ARB2A: variants seen among roughly 807,000 people sequenced by gnomAD.
ARB2A encodes cotranscriptional regulator ARB2A.
chr5:94,012,999 A>G, the ARB2A span, among the ~76,000 whole-genome samples: 1 of 151,986 alleles, frequency 6.6e-6, no homozygotes, highest in African/African-American at 2.4e-5. Flanking sequence ...TCTCCTCATG[A>G]CTCCTCATAG....
the ARB2A span, among the ~76,000 whole-genome samples, chr5:93,688,881 C>A: frequency 6.6e-6 from 1 of 152,166 alleles, no homozygotes; most frequent in Non-Finnish European, 1.5e-5. Flanking sequence ...TTTTTTCCAT[C>A]TCCACTGCCT....
At chr5:94,069,617 G>A in the ARB2A span, among the ~76,000 whole-genome samples, 11 of 152,120 alleles carry the variant, frequency 7.2e-5, no homozygotes, top group South Asian at 2.1e-4. Flanking sequence ...CCATTAAAAC[G>A]TGGGCAAAGG....
chr5:93,771,386 T>C, the ARB2A span, among the ~76,000 whole-genome samples: 1 of 151,430 alleles, frequency 6.6e-6, no homozygotes, highest in Non-Finnish European at 1.5e-5. Flanking sequence ...ATTCAGGACA[T>C]AGGCATGGGC....
At chr5:93,760,721 C>A in the ARB2A span, among the ~76,000 whole-genome samples, 3 of 152,152 alleles carry the variant, frequency 2.0e-5, no homozygotes, top group African/African-American at 7.2e-5. Flanking sequence ...GAAACTGGAT[C>A]CTCATCTGTC....
chr5:93,958,520 T>A, the ARB2A span, among the ~76,000 whole-genome samples: 1 of 152,072 alleles, frequency 6.6e-6, no homozygotes, highest in Non-Finnish European at 1.5e-5. Flanking sequence ...CCTGTCATAT[T>A]TCACAGGATT....
chr5:94,090,801 G>A, the ARB2A span, among the ~76,000 whole-genome samples: 2 of 152,128 alleles, frequency 1.3e-5, no homozygotes, highest in Non-Finnish European at 2.9e-5. Context: ...TTTGTCATTG[G>A]TTCTGTGTAT....
At chr5:93,717,182 C>A in the ARB2A span, among the ~76,000 whole-genome samples, 8 of 152,064 alleles carry the variant, frequency 5.3e-5, no homozygotes, top group African/African-American at 1.9e-4. Context: ...AGAAAAAAAT[C>A]CCAGTGGATC....
chr5:93,823,831 T>C, the ARB2A span, among the ~76,000 whole-genome samples: 122,966 of 151,896 alleles, frequency 0.81, 50,246 homozygotes, highest in East Asian at 0.95. Flanking sequence ...GGTGCATGCC[T>C]GTAATCCCAG....
At chr5:94,074,703 T>C in the ARB2A span, 3 of 1,613,144 alleles carry the variant, frequency 1.9e-6, no homozygotes, top group Non-Finnish European at 1.7e-6. Context: ...ATTTGTGCCA[T>C]GTTTATCCAA....
At chr5:93,768,960 T>C in the ARB2A span, among the ~76,000 whole-genome samples, 1 of 150,014 alleles carries the variant, frequency 6.7e-6, no homozygotes, top group African/African-American at 2.5e-5. Flanking sequence ...AAAATAAAAC[T>C]AAAAAAAAAG....
At chr5:93,888,413 G>A in the ARB2A span, among the ~76,000 whole-genome samples, 2 of 151,724 alleles carry the variant, frequency 1.3e-5, no homozygotes, top group Non-Finnish European at 3.0e-5. Flanking sequence ...AATGAATTTA[G>A]GAAATCGAAA....
At chr5:94,010,662 A>G in the ARB2A span, among the ~76,000 whole-genome samples, 1 of 152,084 alleles carries the variant, frequency 6.6e-6, no homozygotes, top group Non-Finnish European at 1.5e-5. Context: ...ATATAAATCT[A>G]AGAATACATT....
chr5:93,639,677 A>ATC, the ARB2A span, among the ~76,000 whole-genome samples: 1 of 152,196 alleles, frequency 6.6e-6, no homozygotes, highest in African/African-American at 2.4e-5. Flanking sequence ...TGACTACTTA[A>ATC]TCCTGGGATA....
the ARB2A span, among the ~76,000 whole-genome samples, chr5:93,778,186 A>G: frequency 6.6e-6 from 1 of 152,250 alleles, no homozygotes; most frequent in Non-Finnish European, 1.5e-5. Context: ...AATCTTAATT[A>G]GCAGTTGAAT....
the ARB2A span, among the ~76,000 whole-genome samples, chr5:93,924,478 A>G: frequency 1.3e-5 from 2 of 152,230 alleles, no homozygotes; most frequent in African/African-American, 4.8e-5. Flanking sequence ...AAGACAGAGA[A>G]TGGCAGAGAG....
the ARB2A span, among the ~76,000 whole-genome samples, chr5:94,108,220 C>G: frequency 6.6e-6 from 1 of 152,092 alleles, no homozygotes; most frequent in African/African-American, 2.4e-5. Flanking sequence ...CAAACGACAT[C>G]TACTACACAG....
chr5:93,918,555 G>A, the ARB2A span, among the ~76,000 whole-genome samples: 4 of 151,116 alleles, frequency 2.6e-5, no homozygotes, highest in South Asian at 8.4e-4. Context: ...CCGAGTAGCT[G>A]GGATTACAAG....
chr5:93,926,951 T>A, the ARB2A span, among the ~76,000 whole-genome samples: 5 of 148,266 alleles, frequency 3.4e-5, no homozygotes, highest in South Asian at 2.1e-4. Flanking sequence ...AGGAAGAAAA[T>A]GATGCAGGAG....
chr5:93,777,812 G>A, the ARB2A span, among the ~76,000 whole-genome samples: 1 of 152,150 alleles, frequency 6.6e-6, no homozygotes, highest in African/African-American at 2.4e-5. Flanking sequence ...TTGCAGTGAG[G>A]AGAGAATTTC....
Sources: allele counts gnomAD v4.1 joint callset (sites outside exome capture counted in the v4.1 genomes callset), GRCh38; gene constraint gnomAD v4.1.1; transcripts MANE v1.5; gene names NCBI Gene and HGNC (gene_info 2026-07-23, HGNC 2026-07-21).